KIAA1217: variants seen among roughly 807,000 people sequenced by gnomAD.
KIAA1217 encodes the protein sickle tail protein homolog.
In KIAA1217, 88 loss-of-function variants were observed where a neutral mutation model predicts 163.9. That is an observed-to-expected ratio of 0.54 (90% CI 0.45 to 0.64). The LOEUF (loss-of-function observed/expected upper bound fraction) is 0.64. Ranked by LOEUF, KIAA1217 falls within the 30% of genes least tolerant of loss-of-function variation. KIAA1217 has a pLI of 0.00. For missense variants in KIAA1217, 2,372 were observed against 2,475.0 expected (o/e 0.96, Z 0.88); for synonymous variants, 903 against 923.1 (o/e 0.98, Z 0.39).
At position 24,536,902 on chromosome 10, in the gene KIAA1217, G is replaced by T; in HGVS notation, c.3534+9G>T. 1 of 1,613,472 alleles carries T rather than the reference G, an allele frequency of 6.2e-7. No homozygotes were observed. The highest frequency in any genetic ancestry group is 8.5e-7 in the Non-Finnish European group (1 of 1,179,658). On this transcript the variant is annotated intron_variant, in intron 17 of 20. Coordinates refer to ENST00000376454, the MANE Select transcript of KIAA1217 (RefSeq NM_019590.5). ...CACCCAAGGAGAAGAAGGTAACGTGGCAACTGCACATTTGCCACACGGTTG... is the reference window on the plus strand; with the variant it reads ...CACCCAAGGAGAAGAAGGTAACGTGTCAACTGCACATTTGCCACACGGTTG...
Position 23,777,091 on chromosome 10 carries a change from TA to T in KIAA1217, c.-321+81858del, listed in dbSNP as rs574674590. On this transcript the variant is annotated intron_variant, in intron 1 of 18. Coordinates refer to the KIAA1217 transcript ENST00000376462. Reference sequence around the variant, plus strand: ...GTCAGCCTGAAATAATCAAAAGGATTAGAATGTAGTTTTAAGAGATTATTTC... The same window carrying T: ...GTCAGCCTGAAATAATCAAAAGGATTGAATGTAGTTTTAAGAGATTATTTC... Among the ~76,000 whole-genome samples, 159 of 152,298 alleles carry T rather than the reference TA, an allele frequency of 1.0e-3. 1 individual carries two copies. The highest frequency in any genetic ancestry group is 3.4e-3 in the Middle Eastern group (1 of 294).
chr10:24,501,477 A>T lies in KIAA1217; in HGVS notation c.1933A>T (p.Ser645Cys), dbSNP rs1564809629. 2 of 1,613,946 alleles carry T rather than the reference A, an allele frequency of 1.2e-6. No homozygotes were observed. Among genetic ancestry groups the T allele is most frequent in the East Asian group, 2.2e-5 (1 of 44,848 alleles). Residue 645 changes from serine (S) to cysteine (C), a missense_variant, in exon 9 of 21, where the codon AGC becomes TGC. Coordinates refer to ENST00000376454, the MANE Select transcript of KIAA1217 (RefSeq NM_019590.5). ...PPVGTSAIHM[S>C]LLEMRRSVAE... Reference sequence around the variant, plus strand: ...TGTGGGCACCTCAGCCATCCACATGAGCCTGCTTGAGATGAGGCGGAGCGT... The same window carrying T: ...TGTGGGCACCTCAGCCATCCACATGTGCCTGCTTGAGATGAGGCGGAGCGT...
At chr10:24,025,769 C>G (rs1847916879) in intron 2 of KIAA1217, among the ~76,000 whole-genome samples, 1 of 151,658 alleles carries the variant, frequency 6.6e-6, no homozygotes, top group Admixed American at 6.6e-5. Context: ...TTTTTTGGTA[C>G]TATTCTAAAT....
chr10:24,019,052 G>T (rs1484938761), intron 2 of KIAA1217, among the ~76,000 whole-genome samples: 1 of 152,004 alleles, frequency 6.6e-6, no homozygotes, highest in African/African-American at 2.4e-5. Flanking sequence ...AGGGGTTGAA[G>T]GAGCAGGGAG....
chr10:24,392,526 C>A (rs1176935186), intron 3 of KIAA1217, among the ~76,000 whole-genome samples: 2 of 152,108 alleles, frequency 1.3e-5, no homozygotes, highest in South Asian at 4.1e-4. Context: ...ATGGTTGGTC[C>A]TTGGCTATTA....
intron 2 of KIAA1217, among the ~76,000 whole-genome samples, chr10:24,254,446 G>A (rs1005799703): frequency 2.6e-5 from 4 of 152,156 alleles, no homozygotes; most frequent in African/African-American, 7.2e-5. Flanking sequence ...TTCTTCAGAG[G>A]CCATGTGTTG....
intron 1 of KIAA1217, among the ~76,000 whole-genome samples, chr10:23,760,033 G>A (rs958536423): frequency 1.3e-5 from 2 of 152,156 alleles, no homozygotes; most frequent in Non-Finnish European, 2.9e-5. Context: ...TAGAGGATTA[G>A]CTAATTTTAT....
chr10:24,226,829 G>C (rs2070628445), intron 2 of KIAA1217, among the ~76,000 whole-genome samples: 1 of 152,154 alleles, frequency 6.6e-6, no homozygotes, highest in African/African-American at 2.4e-5. Context: ...TGTGGTCACT[G>C]TGTAACTGCA....
At chr10:23,946,321 T>G (rs1471669142) in intron 1 of KIAA1217, among the ~76,000 whole-genome samples, 1 of 128,278 alleles carries the variant, frequency 7.8e-6, no homozygotes, top group Admixed American at 7.5e-5. Flanking sequence ...AAAAAAAAAG[T>G]AAAAGAGCTA....
At chr10:24,060,318 G>GT (rs1305026378) in intron 2 of KIAA1217, among the ~76,000 whole-genome samples, 1 of 151,896 alleles carries the variant, frequency 6.6e-6, no homozygotes, top group African/African-American at 2.4e-5. Flanking sequence ...TTGGTGTATT[G>GT]TATTTTCATT....
chr10:24,528,309 G>GTTTTTTTTTTGT (rs2072523936), intron 14 of KIAA1217, among the ~76,000 whole-genome samples, 190 bp downstream of exon 14: 1 of 73,924 alleles, frequency 1.4e-5, no homozygotes, highest in African/African-American at 5.0e-5. Flanking sequence ...CTCTCTTTTT[G>GTTTTTTTTTTGT]TTTTTTTTTT....
intron 13 of KIAA1217, 46 bp downstream of exon 13, chr10:24,524,810 T>C: frequency 1.4e-6 from 2 of 1,448,162 alleles, no homozygotes; most frequent in Admixed American, 2.1e-5. Context: ...AGGAGTCTGA[T>C]ACATGGACCT....
At chr10:24,024,536 T>A (rs533140457) in intron 2 of KIAA1217, among the ~76,000 whole-genome samples, 10 of 151,766 alleles carry the variant, frequency 6.6e-5, no homozygotes, top group Non-Finnish European at 1.5e-4. Flanking sequence ...AGTATTTGAG[T>A]AATTCTACAT....
intron 2 of KIAA1217, among the ~76,000 whole-genome samples, chr10:24,109,121 G>A (rs889222587): frequency 3.3e-5 from 5 of 152,130 alleles, no homozygotes; most frequent in African/African-American, 9.7e-5. Context: ...ATGAGCTACC[G>A]TGCCTGGCCA....
chr10:24,363,621 G>C (rs867596403), intron 2 of KIAA1217, among the ~76,000 whole-genome samples: 1 of 148,088 alleles, frequency 6.8e-6, no homozygotes. Flanking sequence ...CTGGAGTGCA[G>C]CGTGCAGTGG....
At chr10:23,899,385 G>C (rs987877921) in intron 1 of KIAA1217, among the ~76,000 whole-genome samples, 1 of 152,050 alleles carries the variant, frequency 6.6e-6, no homozygotes, top group African/African-American at 2.4e-5. Flanking sequence ...GTATCTCATT[G>C]TGGTTTTAAT....
intron 4 of KIAA1217, among the ~76,000 whole-genome samples, chr10:24,436,772 A>AT (rs1429379557): frequency 6.6e-6 from 1 of 151,054 alleles, no homozygotes; most frequent in Non-Finnish European, 1.5e-5. Flanking sequence ...AAAAAAAAAA[A>AT]AAAAAAAAAA....
intron 2 of KIAA1217, among the ~76,000 whole-genome samples, chr10:24,179,275 T>A (rs1250601901): frequency 6.6e-6 from 1 of 152,180 alleles, no homozygotes; most frequent in Non-Finnish European, 1.5e-5. Flanking sequence ...TTTTAATCCC[T>A]AATATTGGAG....
chr10:24,145,684 G>A (rs1035778834), intron 2 of KIAA1217, among the ~76,000 whole-genome samples: 6 of 152,224 alleles, frequency 3.9e-5, no homozygotes, highest in African/African-American at 9.6e-5. Flanking sequence ...AAGTAGGGAA[G>A]CCAACAATGC....
Sources: gnomAD v4.1 joint callset for allele counts (sites outside exome capture counted in the v4.1 genomes callset) on GRCh38, gnomAD v4.1.1 for gene constraint, MANE v1.5 for transcripts, NCBI Gene and HGNC (gene_info 2026-07-23, HGNC 2026-07-21) for gene names.